The following THSD7B variants were observed in gnomAD, a reference collection of about 807,000 sequenced individuals.
The protein encoded by THSD7B is thrombospondin type-1 domain-containing protein 7B.
In THSD7B, 138 loss-of-function variants were observed where a neutral mutation model predicts 213.6. That is an observed-to-expected ratio of 0.65 (90% CI 0.56 to 0.74). The LOEUF is 0.74. Ranked by LOEUF, THSD7B falls within the 30% of genes least tolerant of loss-of-function variation. The pLI is 0.00. For synonymous variants in THSD7B, 742 were observed against 687.0 expected (o/e 1.08, Z -1.25); for missense variants, 1,931 against 1,991.5 (o/e 0.97, Z 0.58).
At position 137,575,740 on chromosome 2, in the gene THSD7B, A is replaced by T. The variant is rs554102194; in HGVS notation, c.3423+3184A>T. On this transcript the variant is annotated intron_variant, in intron 17 of 27. Transcript: ENST00000409968. ...CCATAACACACATATATATATATAT[A>T]TATTTTTACTTTAACATGCTTACTT... 1.1e-4 allele frequency among the ~76,000 whole-genome samples: 17 copies of T among 148,420 alleles called. No individual in the cohort carries two copies. In the East Asian group the frequency reaches 3.2e-3, roughly 28 times the overall value.
chr2:137,458,827 T>C (rs1238008328), intron 15 of THSD7B, among the ~76,000 whole-genome samples: 1 of 152,214 alleles, frequency 6.6e-6, no homozygotes, highest in Non-Finnish European at 1.5e-5. Context: ...TTTGGTGCAC[T>C]GTCTCCATAA....
chr2:137,026,049 T>A (rs1686548346), intron 2 of THSD7B, among the ~76,000 whole-genome samples: 1 of 152,162 alleles, frequency 6.6e-6, no homozygotes, highest in African/African-American at 2.4e-5. Flanking sequence ...CAGGTCCACA[T>A]GTTTTTTCTT....
At chr2:137,610,363 C>T (rs1682265788) in intron 17 of THSD7B, among the ~76,000 whole-genome samples, 1 of 151,956 alleles carries the variant, frequency 6.6e-6, no homozygotes, top group South Asian at 2.1e-4. Context: ...TGAGAGTATC[C>T]ATGGAAGGCA....
chr2:137,086,114 A>G (rs185248807), intron 3 of THSD7B, among the ~76,000 whole-genome samples: 1 of 152,316 alleles, frequency 6.6e-6, no homozygotes, highest in African/African-American at 2.4e-5. Context: ...TGGGAGGCCA[A>G]GGTGAGTGGG....
chr2:136,779,188 A>G (rs1681675158), intron 1 of THSD7B, among the ~76,000 whole-genome samples: 1 of 98,382 alleles, frequency 1.0e-5, no homozygotes, highest in African/African-American at 2.9e-5. Flanking sequence ...TTAAAAGGCT[A>G]TATATATATA....
At chr2:137,040,372 T>C (rs1191701290) in intron 2 of THSD7B, among the ~76,000 whole-genome samples, 2 of 150,246 alleles carry the variant, frequency 1.3e-5, no homozygotes, top group Admixed American at 1.4e-4. Context: ...TTTCTTCTCC[T>C]TCTCCTCCTC....
chr2:137,509,648 C>T (rs1260723810), intron 15 of THSD7B, among the ~76,000 whole-genome samples: 1 of 152,126 alleles, frequency 6.6e-6, no homozygotes, highest in Non-Finnish European at 1.5e-5. Context: ...AAGTCCACTC[C>T]TAGTCAATTT....
At position 137,483,387 on chromosome 2, in the gene THSD7B, C is replaced by G. The variant is rs551221703; in HGVS notation, c.3138+32364C>G. ...ACCCAAGGGAGCTTGTCTCTAGAGT[C>G]TTAGGTAATACCTCTTCATAACCAT... On this transcript the variant is annotated intron_variant, in intron 15 of 27. Coordinates refer to ENST00000409968, the MANE Select transcript of THSD7B (RefSeq NM_001316349.2). Among the ~76,000 whole-genome samples the G allele has an allele frequency of 2.4e-4, 36 of 152,288 alleles. 1 individual carries two copies. Among genetic ancestry groups the G allele is most frequent in the Admixed American group, 2.2e-3 (33 of 15,298 alleles).
intron 2 of THSD7B, among the ~76,000 whole-genome samples, chr2:136,917,737 G>A (rs962446249): frequency 1.6e-4 from 25 of 152,286 alleles, no homozygotes; most frequent in African/African-American, 2.9e-4. Flanking sequence ...TTGGCCTACC[G>A]TCTGTTCTGT....
chr2:137,258,901 G>T (rs1021688263), intron 10 of THSD7B, among the ~76,000 whole-genome samples: 3 of 150,706 alleles, frequency 2.0e-5, no homozygotes, highest in African/African-American at 7.3e-5. Flanking sequence ...TGTTCTCTTT[G>T]TTCAGCTCCC....
chr2:136,864,589 G>C (rs1041079468), intron 1 of THSD7B, among the ~76,000 whole-genome samples: 1 of 149,330 alleles, frequency 6.7e-6, no homozygotes, highest in Admixed American at 6.7e-5. Context: ...GTCTCACTCT[G>C]TTGCCCAGGC....
chr2:137,570,131 T>C (rs1302648050), intron 16 of THSD7B, among the ~76,000 whole-genome samples: 4 of 151,946 alleles, frequency 2.6e-5, no homozygotes, highest in Admixed American at 1.3e-4. Context: ...TTAAAGTCCC[T>C]ATATTAGAAG....
intron 10 of THSD7B, among the ~76,000 whole-genome samples, chr2:137,264,814 A>AT (rs1055275282): frequency 4.7e-5 from 7 of 149,838 alleles, no homozygotes; most frequent in African/African-American, 1.2e-4. Flanking sequence ...TTTTTTTTAA[A>AT]TTTTTTTTAT....
chr2:136,936,445 A>T (rs1383998312), intron 2 of THSD7B, among the ~76,000 whole-genome samples: 1 of 152,226 alleles, frequency 6.6e-6, no homozygotes, highest in East Asian at 1.9e-4. Flanking sequence ...CAATGAGTGG[A>T]TAAAGAAACT....
intron 7 of THSD7B, among the ~76,000 whole-genome samples, chr2:137,189,066 T>C (rs1680608513): frequency 6.6e-6 from 1 of 152,218 alleles, no homozygotes; most frequent in African/African-American, 2.4e-5. Context: ...ATATTAGCTA[T>C]TGTTTTTCTC....
At chr2:137,284,495 G>T (rs1423791074) in intron 12 of THSD7B, among the ~76,000 whole-genome samples, 1 of 151,990 alleles carries the variant, frequency 6.6e-6, no homozygotes, top group Non-Finnish European at 1.5e-5. Flanking sequence ...TGATGTTAGG[G>T]TGTCAATTTT....
chr2:136,953,860 T>A (rs1558865611), intron 2 of THSD7B, among the ~76,000 whole-genome samples: 1 of 152,076 alleles, frequency 6.6e-6, no homozygotes, highest in Non-Finnish European at 1.5e-5. Flanking sequence ...TACTTAAGAG[T>A]CATTAAAATC....
chr2:137,632,182 T>C (rs1455183699), intron 20 of THSD7B, among the ~76,000 whole-genome samples: 1 of 152,136 alleles, frequency 6.6e-6, no homozygotes. Context: ...CTGGGTTGCA[T>C]GCTATATCAC....
At chr2:137,601,511 C>A (rs539976261) in intron 17 of THSD7B, among the ~76,000 whole-genome samples, 6 of 152,172 alleles carry the variant, frequency 3.9e-5, no homozygotes, top group African/African-American at 9.6e-5. Flanking sequence ...TCCCATATAG[C>A]CTAGGTGTGT....
Sources: allele counts gnomAD v4.1 joint callset (sites outside exome capture counted in the v4.1 genomes callset), GRCh38; gene constraint gnomAD v4.1.1; transcripts MANE v1.5; gene names NCBI Gene and HGNC (gene_info 2026-07-23, HGNC 2026-07-21).